KANSL1: variants seen among roughly 807,000 people sequenced by gnomAD.
The protein encoded by KANSL1 is MLL1/MLL complex subunit KANSL1.
Under a neutral mutation model 103.6 loss-of-function variants are expected in KANSL1, and 22 were observed. That is an observed-to-expected ratio of 0.21 (90% CI 0.15 to 0.30). KANSL1 has a LOEUF of 0.30. Ranked by LOEUF, KANSL1 falls within the 10% of genes least tolerant of loss-of-function variation. KANSL1 has a pLI of 1.00. For missense variants in KANSL1, 1,337 were observed against 1,399.8 expected, an observed-to-expected ratio of 0.96 and a Z score of 0.72; for synonymous variants, 600 against 527.6, an observed-to-expected ratio of 1.14 and a Z score of -1.88.
At chr17:46,219,550 A>G in intron 1 of KANSL1, among the ~76,000 whole-genome samples, 1 of 152,196 alleles carries the variant, frequency 6.6e-6, no homozygotes, top group Admixed American at 6.5e-5. Flanking sequence ...TATTTTTAGT[A>G]GAGATGGGGT....
At chr17:46,143,425 C>CA (rs2044524302) in intron 2 of KANSL1, among the ~76,000 whole-genome samples, 1 of 152,092 alleles carries the variant, frequency 6.6e-6, no homozygotes, top group Non-Finnish European at 1.5e-5. Context: ...ACCCGCGAGA[C>CA]AGAGGTTGCA....
chr17:46,039,835 C>T lies in KANSL1; in HGVS notation c.2070G>A (p.Gln690=). ...HFQSMLKSQW[Q]NKPFDKIKPP... Reference sequence around the variant, plus strand: ...GTTTGATTTTGTCAAAAGGCTTGTTCTGCCACTGAGATTTCAGCATGCTCT... The same window carrying T: ...GTTTGATTTTGTCAAAAGGCTTGTTTTGCCACTGAGATTTCAGCATGCTCT... Residue 690 remains glutamine, a synonymous_variant, in exon 8 of 15, where the codon CAG becomes CAA. Coordinates refer to ENST00000432791, the MANE Select transcript of KANSL1 (RefSeq NM_015443.4). 6.2e-7 allele frequency: 1 copy of T among 1,614,222 alleles called. No individual in the cohort carries two copies. The highest frequency in any genetic ancestry group is 8.5e-7 in the Non-Finnish European group (1 of 1,180,040).
At chr17:46,140,281 A>G (rs2044355054) in intron 2 of KANSL1, among the ~76,000 whole-genome samples, 1 of 152,246 alleles carries the variant, frequency 6.6e-6, no homozygotes, top group Non-Finnish European at 1.5e-5. Context: ...TTACATTGTA[A>G]AACACATGAT....
At chr17:46,112,368 C>CAAAAAAAAAAA in intron 2 of KANSL1, among the ~76,000 whole-genome samples, 1 of 51,074 alleles carries the variant, frequency 2.0e-5, no homozygotes, top group Non-Finnish European at 3.2e-5. Flanking sequence ...AACTCTGTCT[C>CAAAAAAAAAAA]AAAAAAAAAA....
intron 2 of KANSL1, among the ~76,000 whole-genome samples, chr17:46,143,609 C>T (rs1240139143): frequency 6.6e-6 from 1 of 151,988 alleles, no homozygotes; most frequent in Non-Finnish European, 1.5e-5. Flanking sequence ...TTGAGGCCAT[C>T]CTGGTTAACA....
chr17:46,063,338 G>A (rs1004997558), intron 6 of KANSL1, among the ~76,000 whole-genome samples: 1 of 152,164 alleles, frequency 6.6e-6, no homozygotes, highest in Admixed American at 6.5e-5. Flanking sequence ...TGAATAATAC[G>A]GTGGGCATTC....
At chr17:46,152,700 T>C (rs1036549685) in intron 2 of KANSL1, among the ~76,000 whole-genome samples, 1 of 152,080 alleles carries the variant, frequency 6.6e-6, no homozygotes, top group Non-Finnish European at 1.5e-5. Context: ...CAAGCAAACA[T>C]TGAGTAATAA....
chr17:46,091,203 A>G (rs1187680316), intron 3 of KANSL1, among the ~76,000 whole-genome samples: 1 of 152,234 alleles, frequency 6.6e-6, no homozygotes, highest in Non-Finnish European at 1.5e-5. Context: ...AGTTTTTAGC[A>G]AAACAGTTTA....
At chr17:46,216,560 C>T (rs1344312721) in intron 1 of KANSL1, among the ~76,000 whole-genome samples, 1 of 148,134 alleles carries the variant, frequency 6.8e-6, no homozygotes, top group Admixed American at 6.9e-5. Flanking sequence ...GATCACGCCA[C>T]TGCACTCCAG....
intron 2 of KANSL1, among the ~76,000 whole-genome samples, chr17:46,101,372 GAAC>G (rs1454514256): frequency 2.6e-5 from 4 of 152,284 alleles, no homozygotes; most frequent in East Asian, 1.9e-4. Flanking sequence ...CTGCAAATAA[GAAC>G]AACATCTGCT....
At chr17:46,167,972 CT>C (rs2046087975) in intron 2 of KANSL1, among the ~76,000 whole-genome samples, 1 of 152,226 alleles carries the variant, frequency 6.6e-6, no homozygotes, top group Admixed American at 6.5e-5. Flanking sequence ...GTCTCCTCTA[CT>C]AAATATTTTC....
chr17:46,188,989 C>T (rs368442384), intron 1 of KANSL1, among the ~76,000 whole-genome samples: 30 of 136,438 alleles, frequency 2.2e-4, no homozygotes, highest in African/African-American at 7.4e-4. Flanking sequence ...GCCAAGATCG[C>T]GCCACTGCAC....
chr17:46,178,122 C>G (rs1168614939), intron 1 of KANSL1, among the ~76,000 whole-genome samples: 2 of 152,132 alleles, frequency 1.3e-5, no homozygotes, highest in African/African-American at 4.8e-5. Context: ...AACAATGATT[C>G]CTATCCCACT....
rs979916122 is a variant in KANSL1, at chr17:46,170,762, C to G, written c.1289+93G>C. On this transcript the variant is annotated intron_variant, in intron 2 of 14. Coordinates refer to ENST00000432791, the MANE Select transcript of KANSL1 (RefSeq NM_015443.4). ...CAAACAGAACCTAGACACCTATGTA[C>G]AAAGAATCACATTCTCTCCATAATG... 1.0e-5 allele frequency: 14 copies of G among 1,364,008 alleles called. No individual in the cohort carries two copies. In the Middle Eastern group the frequency reaches 1.5e-3, roughly 147 times the overall value. The allele number at this position is 1,364,008 out of a possible 1,614,324, so 84.5% of individuals were successfully genotyped here. A position where few individuals can be genotyped will look rare whatever the true frequency, so the allele number is the denominator to read the frequency against.
rs144838667 is a variant in KANSL1, at chr17:46,067,627, G to C, written c.1574C>G (p.Pro525Arg). Reference protein sequence around the residue: ...VSQPLENHGAPIIGHISESLS... With the variant: ...VSQPLENHGARIIGHISESLS... Reference sequence around the variant, plus strand: ...TGACTCTGAAATATGACCAATAATAGGGGCACCATGGTTTTCCAATGGCTG... The same window carrying C: ...TGACTCTGAAATATGACCAATAATACGGGCACCATGGTTTTCCAATGGCTG... The change falls in exon 5 of 15, where the codon CCT (proline) becomes CGT (arginine). Residue 525 changes from proline to arginine, a missense_variant. Transcript: ENST00000432791. 1.8e-4 allele frequency: 281 copies of C among 1,605,204 alleles called. No homozygotes were observed. The African/African-American group carries it at 3.2e-3, about 18-fold the overall frequency.
intron 6 of KANSL1, among the ~76,000 whole-genome samples, chr17:46,062,462 G>A (rs1215815840): frequency 6.7e-6 from 1 of 148,288 alleles, no homozygotes; most frequent in African/African-American, 2.5e-5. Context: ...TGGTTCAAGC[G>A]ATTCTCCTGC....
At chr17:46,047,460 C>T (rs1432493183) in intron 7 of KANSL1, among the ~76,000 whole-genome samples, 2 of 152,170 alleles carry the variant, frequency 1.3e-5, no homozygotes, top group Non-Finnish European at 2.9e-5. Flanking sequence ...ATATGGCCTG[C>T]AAAGCCTAAG....
chr17:46,064,721 C>T (rs576084430), intron 6 of KANSL1, among the ~76,000 whole-genome samples: 1 of 152,016 alleles, frequency 6.6e-6, no homozygotes, highest in East Asian at 1.9e-4. Flanking sequence ...CACTCCCTTC[C>T]CAATCCTTTC....
intron 1 of KANSL1, among the ~76,000 whole-genome samples, chr17:46,183,369 C>T (rs1019205213): frequency 5.3e-5 from 8 of 152,032 alleles, no homozygotes; most frequent in Middle Eastern, 6.8e-3. Context: ...CGCCTGAGCC[C>T]AGGAGGAGTT....
Sources: gnomAD v4.1 joint callset for allele counts (sites outside exome capture counted in the v4.1 genomes callset) on GRCh38, gnomAD v4.1.1 for gene constraint, MANE v1.5 for transcripts, NCBI Gene and HGNC (gene_info 2026-07-23, HGNC 2026-07-21) for gene names.